Variants in PCLO observed in about 807,000 individuals in gnomAD.
The protein encoded by PCLO is protein piccolo.
In PCLO, 82 loss-of-function variants were observed where a neutral mutation model predicts 427.5. The observed-to-expected ratio is 0.19, with a 90% CI of 0.16 to 0.23. PCLO has a LOEUF of 0.23. Ranked by LOEUF, PCLO falls within the 10% of genes least tolerant of loss-of-function variation. The probability of loss-of-function intolerance (pLI) is 1.00; values close to 1 mark genes in which losing one functional copy is unlikely to be tolerated. For missense variants in PCLO, 6,239 were observed against 6,115.9 expected (o/e 1.02, Z -0.67); for synonymous variants, 2,357 against 2,155.4 (o/e 1.09, Z -2.59).
At chr7:82,814,085 T>C (rs1345718102) in intron 20 of PCLO, among the ~76,000 whole-genome samples, 2 of 151,802 alleles carry the variant, frequency 1.3e-5, no homozygotes, top group Non-Finnish European at 2.9e-5. Flanking sequence ...AACACTTCTG[T>C]CACTCTACTT....
chr7:82,953,875 A>G lies in PCLO; in HGVS notation c.7078T>C (p.Tyr2360His), dbSNP rs1795433362. Residue 2360 changes from tyrosine (Y) to histidine (H), a missense_variant, in exon 5 of 25, where the codon TAC becomes CAC. By Grantham distance (83) the Tyr-to-His change is moderately conservative. Coordinates refer to ENST00000333891, the MANE Select transcript of PCLO (RefSeq NM_033026.6). The part of the protein sequence containing the change: ...LPMKEQLSTT[Y>H]FTSGETFGQE... ...CCAAAGGTCTCTCCAGATGTAAAGT[A>G]TGTAGTTGAAAGCTGCTCTTTCATT... is the stretch of plus-strand genomic sequence containing the variant. 6.2e-7 allele frequency: 1 copy of G among 1,613,744 alleles called. No homozygotes were observed. Among genetic ancestry groups the G allele is most frequent in the African/African-American group, 1.3e-5 (1 of 74,914 alleles).
chr7:82,841,513 T>C lies in PCLO; in HGVS notation c.14047-4A>G, dbSNP rs1792364756. ...CAACCTTTGTTCCATCGGTAGGCTGTAATATTAAAGAACATATATTACATT... is the reference window on the plus strand; with the variant it reads ...CAACCTTTGTTCCATCGGTAGGCTGCAATATTAAAGAACATATATTACATT... On this transcript the variant is annotated splice_polypyrimidine_tract_variant and splice_region_variant and intron_variant, in intron 13 of 24. Coordinates refer to ENST00000333891, the MANE Select transcript of PCLO (RefSeq NM_033026.6). 1 of 1,534,048 alleles carries C rather than the reference T, an allele frequency of 6.5e-7. No individual in the cohort carries two copies. The highest frequency in any genetic ancestry group is 1.4e-5 in the African/African-American group (1 of 73,404).
At position 83,096,972 on chromosome 7, in the gene PCLO, TTATATATTATATAAATAA is replaced by T. The variant is rs1275911913; in HGVS notation, c.3300+37260_3300+37277del. 8.6e-3 allele frequency among the ~76,000 whole-genome samples: 389 copies of T among 45,182 alleles called. 54 individuals carry two copies. Among genetic ancestry groups the T allele is most frequent in the African/African-American group, 0.035 (205 of 5,904 alleles). 29.6% of individuals were successfully genotyped at this position (45,182 alleles called of 152,430 possible). ...TATATAAATAATATAATATAATATA[TTATATATTATATAAATAA>T]TATATATTATATAAATAATATATAT... On this transcript the variant is annotated intron_variant, in intron 3 of 24. Transcript: ENST00000333891.
At chr7:82,798,546 G>T (rs1791276341) in intron 22 of PCLO, among the ~76,000 whole-genome samples, 1 of 152,058 alleles carries the variant, frequency 6.6e-6, no homozygotes, top group Non-Finnish European at 1.5e-5. Context: ...ACAAAATCTT[G>T]CACTTTGCAT....
rs535914782 is a variant in PCLO at position 82,760,760 on chromosome 7, A to G, written c.15167T>C (p.Met5056Thr). ...CACCTTTTTTTGGGTAGAAATATTC[A>G]TCACATATATTTTCACATATAAATC... is the stretch of plus-strand genomic sequence containing the variant. ...LPDLYVKIYV[M>T]NISTQKKVIK... Residue 5056 changes from methionine (M) to threonine (T), a missense_variant, in exon 24 of 25, where the codon ATG becomes ACG. Transcript: ENST00000333891. 3.4e-6 allele frequency: 5 copies of G among 1,488,286 alleles called. No individual in the cohort carries two copies. The African/African-American group carries it at 5.6e-5, about 17-fold the overall frequency. 92.2% of individuals were successfully genotyped at this position (1,488,286 alleles called of 1,614,324 possible).
chr7:83,047,324 C>A (rs1789127800), intron 3 of PCLO, among the ~76,000 whole-genome samples: 1 of 151,740 alleles, frequency 6.6e-6, no homozygotes, highest in African/African-American at 2.4e-5. Flanking sequence ...TTTTTAACAT[C>A]AAAAAAGATG....
chr7:82,998,635 A>C (rs1787695579), intron 3 of PCLO, among the ~76,000 whole-genome samples: 1 of 151,930 alleles, frequency 6.6e-6, no homozygotes, highest in Admixed American at 6.6e-5. Context: ...CCAGAGGCAC[A>C]TGTTCACTAA....
chr7:82,995,083 A>C (rs193009168), intron 3 of PCLO, among the ~76,000 whole-genome samples: 2 of 152,168 alleles, frequency 1.3e-5, no homozygotes, highest in African/African-American at 4.8e-5. Context: ...TGAAGCTCAG[A>C]AAAGAGATAT....
rs547112291 is a variant in PCLO at position 83,147,770 on chromosome 7, T to TA, written c.1893+6977dup. Among the ~76,000 whole-genome samples, 562 of 152,194 alleles carry TA rather than the reference T, an allele frequency of 3.7e-3. 2 individuals are homozygous for TA. The highest frequency in any genetic ancestry group is 0.012 in the African/African-American group (507 of 41,544). On this transcript the variant is annotated intron_variant, in intron 2 of 24. Transcript: ENST00000333891. ...TTAGTTATAACATGAATTTAAAAAA[T>TA]AAAAAAATAGTGCATAAATGTATGG... is the stretch of plus-strand genomic sequence containing the variant.
chr7:83,023,867 G>C, intron 3 of PCLO, among the ~76,000 whole-genome samples: 1 of 152,112 alleles, frequency 6.6e-6, no homozygotes, highest in Non-Finnish European at 1.5e-5. Flanking sequence ...AAATCTTATG[G>C]TTTCTCAATA....
At chr7:82,862,243 A>C (rs1792975926) in intron 10 of PCLO, among the ~76,000 whole-genome samples, 1 of 152,026 alleles carries the variant, frequency 6.6e-6, no homozygotes. Context: ...TCAAAACTAC[A>C]ACAAAATATA....
At chr7:82,958,859 T>C (rs1040862796) in intron 4 of PCLO, among the ~76,000 whole-genome samples, 3 of 152,152 alleles carry the variant, frequency 2.0e-5, no homozygotes, top group African/African-American at 4.8e-5. Context: ...TCCCAGAAAA[T>C]GCCAGAGCAC....
intron 3 of PCLO, among the ~76,000 whole-genome samples, chr7:83,024,995 A>G (rs967936733): frequency 6.6e-6 from 1 of 152,188 alleles, no homozygotes; most frequent in African/African-American, 2.4e-5. Context: ...AAAACCACAA[A>G]GATGGGGAAA....
intron 3 of PCLO, among the ~76,000 whole-genome samples, chr7:83,019,399 T>C (rs2116046285): frequency 6.6e-6 from 1 of 151,964 alleles, no homozygotes; most frequent in Admixed American, 6.6e-5. Flanking sequence ...ATATTGCATT[T>C]ATTTTATTGT....
chr7:83,087,310 G>C (rs1441474117), intron 3 of PCLO, among the ~76,000 whole-genome samples: 1 of 151,932 alleles, frequency 6.6e-6, no homozygotes. Flanking sequence ...AGCAGGGAGG[G>C]TGGGAGGAGG....
Position 82,955,039 on chromosome 7 carries a change from T to A in PCLO, c.5914A>T (p.Ser1972Cys), listed in dbSNP as rs1347294200. 1 of 1,613,848 alleles carries A rather than the reference T, an allele frequency of 6.2e-7. No homozygotes were observed. The highest frequency in any genetic ancestry group is 2.2e-5 in the East Asian group (1 of 44,872). ...TCTTCTTCTTGCCTTGTTAGCAGAC[T>A]GCCATCTACCGATCCATTGTACGTG... is the stretch of plus-strand genomic sequence containing the variant. The part of the protein sequence containing the change: ...EDTYNGSVDG[S>C]LLTRQEEENG... Residue 1972 changes from serine to cysteine, a missense_variant, in exon 5 of 25, where the codon AGT becomes TGT. Ser to Cys is a moderately radical substitution (Grantham distance 112). This residue lies in a region of PCLO where 4,677 missense variants were observed against 4,468.4 expected (regional missense o/e 1.05). Coordinates refer to ENST00000333891, the MANE Select transcript of PCLO (RefSeq NM_033026.6).
intron 3 of PCLO, among the ~76,000 whole-genome samples, chr7:83,104,341 A>AT (rs1261207784): frequency 4.6e-5 from 7 of 151,982 alleles, no homozygotes; most frequent in African/African-American, 1.7e-4. Context: ...AAGCAAAGTG[A>AT]TTTTTTCAGT....
At chr7:82,847,571 T>A (rs1648378956) in intron 10 of PCLO, among the ~76,000 whole-genome samples, 1 of 152,154 alleles carries the variant, frequency 6.6e-6, no homozygotes, top group Admixed American at 6.6e-5. Context: ...CAATTTTGTA[T>A]AGGAAACAAA....
rs1474428040 is a variant in PCLO at position 83,007,369 on chromosome 7, T to C, written c.3301-40882A>G. On this transcript the variant is annotated intron_variant, in intron 3 of 24. Coordinates refer to ENST00000333891, the MANE Select transcript of PCLO (RefSeq NM_033026.6). Reference sequence around the variant, plus strand: ...AGGGAAACAGGTGAATACATTGTTGTGTAAAGTGGTAAAATATTTATCAGC... The same window carrying C: ...AGGGAAACAGGTGAATACATTGTTGCGTAAAGTGGTAAAATATTTATCAGC... Among the ~76,000 whole-genome samples the C allele has an allele frequency of 2.0e-5, 3 of 151,492 alleles. No individual in the cohort carries two copies. In the East Asian group the frequency reaches 5.8e-4, roughly 29 times the overall value.
Sources: allele counts gnomAD v4.1 joint callset (sites outside exome capture counted in the v4.1 genomes callset), GRCh38; gene constraint gnomAD v4.1.1; regional missense constraint gnomAD v4.1.1; transcripts MANE v1.5; gene names NCBI Gene and HGNC (gene_info 2026-07-23, HGNC 2026-07-21).